The following AP1G1 variants were observed in gnomAD, a reference collection of about 807,000 sequenced individuals.
AP1G1 encodes the protein adaptor related protein complex 1 subunit gamma 1, also known as AP-1 complex subunit gamma-1.
In AP1G1, 7 loss-of-function variants were observed where a neutral mutation model predicts 108.3. The ratio of observed to expected loss-of-function variants is 0.06; its 90% confidence interval spans 0.04 to 0.12. The LOEUF is 0.12. Ranked by LOEUF, AP1G1 falls within the 10% of genes least tolerant of loss-of-function variation. AP1G1 has a pLI of 1.00. For synonymous variants in AP1G1, 379 were observed against 353.5 expected (o/e 1.07, Z -0.81); for missense variants, 756 against 1,010.7 (o/e 0.75, Z 3.42).
intron 9 of AP1G1, among the ~76,000 whole-genome samples, chr16:71,762,397 T>C (rs2031129756): frequency 6.6e-6 from 1 of 152,232 alleles, no homozygotes. Flanking sequence ...TCTTTAGTTC[T>C]AATGATATGA....
intron 13 of AP1G1, chr16:71,753,621 C>G (rs2030620400): frequency 1.8e-6 from 1 of 552,144 alleles, no homozygotes; most frequent in African/African-American, 1.9e-5. Context: ...ATCTAAAACA[C>G]TTGGCCAGTT....
At chr16:71,806,863 C>T in intron 1 of AP1G1, 1 of 376,528 alleles carries the variant, frequency 2.7e-6, no homozygotes, top group Non-Finnish European at 4.7e-6. Context: ...ATATTGTTTT[C>T]TTCTGAGACA....
At chr16:71,755,552 G>C (rs1243437718) in intron 12 of AP1G1, among the ~76,000 whole-genome samples, 1 of 152,196 alleles carries the variant, frequency 6.6e-6, no homozygotes, top group African/African-American at 2.4e-5. Flanking sequence ...TTAAATGCTG[G>C]CTATAATAGC....
intron 21 of AP1G1, among the ~76,000 whole-genome samples, chr16:71,737,982 C>T (rs751214301): frequency 1.3e-5 from 2 of 152,228 alleles, no homozygotes; most frequent in South Asian, 4.1e-4. Context: ...GCCTAAAATA[C>T]TTACTGTCTC....
At position 71,741,602 on chromosome 16, in the gene AP1G1, T is replaced by C. The variant is rs993698181; in HGVS notation, c.2000-2261A>G. 3.3e-5 allele frequency among the ~76,000 whole-genome samples: 5 copies of C among 151,738 alleles called. No individual in the cohort carries two copies. In the East Asian group the frequency reaches 9.7e-4, roughly 29 times the overall value. ...CATCTCAAAAACAAAAACAAGTAAA[T>C]GACATATTAAAAATTAGCAAAGAGA... On this transcript the variant is annotated intron_variant, in intron 19 of 22. Coordinates refer to ENST00000299980, the MANE Select transcript of AP1G1 (RefSeq NM_001128.6).
intron 2 of AP1G1, among the ~76,000 whole-genome samples, chr16:71,778,442 G>C (rs1443797141): frequency 2.6e-5 from 4 of 152,106 alleles, no homozygotes; most frequent in Non-Finnish European, 5.9e-5. Context: ...TAGCACTTTG[G>C]GAGGCCGAGG....
chr16:71,731,821 A>G lies in AP1G1; in HGVS notation c.*1237T>C, dbSNP rs533796861. 3.3e-5 allele frequency: 5 copies of G among 152,790 alleles called. No individual in the cohort carries two copies. The highest frequency in any genetic ancestry group is 2.1e-4 in the South Asian group (1 of 4,830). The allele number at this position is 152,790 out of a possible 1,614,324, so 9.5% of individuals were successfully genotyped here. On this transcript the variant is annotated 3_prime_UTR_variant, in exon 23 of 23. Coordinates refer to ENST00000299980, the MANE Select transcript of AP1G1 (RefSeq NM_001128.6). ...TGGTGTCCGTAAGACCTCCTCTGAC[A>G]TAGGGGTATGGAAGCTACAAGGCTT...
intron 1 of AP1G1, chr16:71,808,129 C>G (rs1567668997): frequency 8.7e-7 from 1 of 1,153,380 alleles, no homozygotes; most frequent in East Asian, 6.3e-5. Flanking sequence ...TTATTAGACG[C>G]TGACGTCCGC....
chr16:71,745,195 A>T lies in AP1G1; in HGVS notation c.1948T>A (p.Ser650Thr), dbSNP rs757140476. 2 of 1,614,180 alleles carry T rather than the reference A, an allele frequency of 1.2e-6. No individual in the cohort carries two copies. Among genetic ancestry groups the T allele is most frequent in the East Asian group, 2.2e-5 (1 of 44,890 alleles). Reference sequence around the variant, plus strand: ...TCAAGAAGTTCTCCACCAGCAGAAGATGGTTTGCTTGTAGGCGCAGTTGGA... The same window carrying T: ...TCAAGAAGTTCTCCACCAGCAGAAGTTGGTTTGCTTGTAGGCGCAGTTGGA... ...VIPTAPTSKPSSAGGELLDLL... is the reference protein window; with the variant it reads ...VIPTAPTSKPTSAGGELLDLL... The change falls in exon 19 of 23, where the codon TCT becomes ACT. Residue 650 changes from serine (S) to threonine (T), a missense_variant. Physicochemically the swap from Ser to Thr is moderately conservative, Grantham distance 58 (BLOSUM62 1). Coordinates refer to ENST00000299980, the MANE Select transcript of AP1G1 (RefSeq NM_001128.6).
At chr16:71,775,455 A>T (rs908851939) in intron 2 of AP1G1, among the ~76,000 whole-genome samples, 3 of 152,190 alleles carry the variant, frequency 2.0e-5, no homozygotes, top group Non-Finnish European at 4.4e-5. Context: ...ATAATCTCTC[A>T]GTTTTGCATT....
At chr16:71,785,624 C>G (rs935762706) in intron 2 of AP1G1, among the ~76,000 whole-genome samples, 17 of 150,916 alleles carry the variant, frequency 1.1e-4, no homozygotes, top group Admixed American at 9.3e-4. Flanking sequence ...GTGGCTCACG[C>G]CTGTAATCCC....
At chr16:71,794,846 T>C (rs1011653194) in intron 1 of AP1G1, among the ~76,000 whole-genome samples, 3 of 141,532 alleles carry the variant, frequency 2.1e-5, no homozygotes, top group African/African-American at 7.9e-5. Context: ...TTTTTTTTTT[T>C]TTTTTTTTTT....
chr16:71,749,481 T>C (rs1433181188), intron 15 of AP1G1, among the ~76,000 whole-genome samples: 1 of 145,996 alleles, frequency 6.8e-6, no homozygotes, highest in Admixed American at 6.8e-5. Context: ...GAGACTCTAT[T>C]AAAAAAAAAA....
chr16:71,781,415 T>G (rs1381635263), intron 2 of AP1G1, among the ~76,000 whole-genome samples: 1 of 152,206 alleles, frequency 6.6e-6, no homozygotes, highest in Non-Finnish European at 1.5e-5. Flanking sequence ...TATCAAATCT[T>G]AACATTTCAC....
At chr16:71,737,629 T>C (rs1567639359) in intron 21 of AP1G1, among the ~76,000 whole-genome samples, 2 of 152,200 alleles carry the variant, frequency 1.3e-5, no homozygotes, top group African/African-American at 2.4e-5. Context: ...CTACAAAGTG[T>C]AAGCAAAGAG....
chr16:71,753,968 G>A (rs1485445286), intron 12 of AP1G1, 81 bp from the exon 13 acceptor site: 2 of 1,336,554 alleles, frequency 1.5e-6, no homozygotes, highest in Non-Finnish European at 2.1e-6. Flanking sequence ...GCCCAAGCAG[G>A]GTGACTCACA....
intron 2 of AP1G1, among the ~76,000 whole-genome samples, chr16:71,782,899 T>C (rs571088940): frequency 6.6e-6 from 1 of 152,288 alleles, no homozygotes. Flanking sequence ...CTTTCTGGCA[T>C]AGTAACATCA....
At chr16:71,794,578 C>A (rs967976758) in intron 1 of AP1G1, among the ~76,000 whole-genome samples, 5 of 151,668 alleles carry the variant, frequency 3.3e-5, no homozygotes, top group African/African-American at 2.4e-5. Flanking sequence ...AAATTTCTAT[C>A]CAAAATGGTT....
chr16:71,757,014 G>A (rs2030826363), intron 11 of AP1G1, among the ~76,000 whole-genome samples: 1 of 151,608 alleles, frequency 6.6e-6, no homozygotes, highest in Non-Finnish European at 1.5e-5. Flanking sequence ...GGACAAATAA[G>A]AGTTTCTATA....
Sources: gnomAD v4.1 joint callset for allele counts (sites outside exome capture counted in the v4.1 genomes callset) on GRCh38, gnomAD v4.1.1 for gene constraint, MANE v1.5 for transcripts, NCBI Gene and HGNC (gene_info 2026-07-23, HGNC 2026-07-21) for gene names.